SEMA3C: variants seen among roughly 807,000 people sequenced by gnomAD.
SEMA3C encodes the protein semaphorin-3C.
SEMA3C carries 47 observed loss-of-function variants against 89.4 expected under a neutral mutation model. The observed-to-expected ratio is 0.53, with a 90% CI of 0.42 to 0.67. The LOEUF (loss-of-function observed/expected upper bound fraction) is 0.67, where lower values mean the gene tolerates loss of function less well. Among genes scored for constraint, SEMA3C ranks in the 30% least tolerant of loss-of-function variants. The pLI is 0.00. For missense variants in SEMA3C, 839 were observed against 929.1 expected (o/e 0.90, Z 1.26); for synonymous variants, 310 against 320.2 (o/e 0.97, Z 0.34).
At chr7:80,771,935 T>G (rs139241105) in intron 12 of SEMA3C, among the ~76,000 whole-genome samples, 50 of 152,280 alleles carry the variant, frequency 3.3e-4, no homozygotes, top group Admixed American at 9.8e-4. Context: ...TAGGGGTAAA[T>G]TACTGCAAAA....
chr7:80,805,559 T>C (rs1277192902), intron 7 of SEMA3C, 80 bp downstream of exon 7: 1 of 1,249,642 alleles, frequency 8.0e-7, no homozygotes, highest in Non-Finnish European at 1.1e-6. Context: ...TTTTAACCAT[T>C]TTCCCTAGTT....
intron 2 of SEMA3C, among the ~76,000 whole-genome samples, chr7:80,849,727 G>A (rs1202979700): frequency 6.6e-6 from 1 of 152,094 alleles, no homozygotes; most frequent in East Asian, 1.9e-4. Context: ...GACAATCTTT[G>A]TGGTCTTGTG....
At chr7:80,786,254 G>A (rs981038484) in intron 12 of SEMA3C, among the ~76,000 whole-genome samples, 7 of 152,098 alleles carry the variant, frequency 4.6e-5, no homozygotes, top group Admixed American at 4.6e-4. Flanking sequence ...GGTAAGAAAA[G>A]CCAAAGAATT....
At chr7:80,758,256 T>C (rs1788107727) in intron 15 of SEMA3C, 75 bp downstream of exon 15, 1 of 1,476,712 alleles carries the variant, frequency 6.8e-7, no homozygotes, top group East Asian at 2.3e-5. Flanking sequence ...ATAGAACTAA[T>C]TCTAAAGATG....
chr7:80,805,146 A>T (rs1789308198), intron 7 of SEMA3C, among the ~76,000 whole-genome samples: 2 of 152,068 alleles, frequency 1.3e-5, no homozygotes, highest in Admixed American at 1.3e-4. Context: ...TAGTCCATTT[A>T]TGAGAAAATA....
intron 5 of SEMA3C, chr7:80,815,935 T>C (rs549576467): frequency 6.6e-6 from 1 of 152,282 alleles, no homozygotes; most frequent in African/African-American, 2.4e-5. Context: ...TGTTGCAAAA[T>C]TAACCAATCA....
intron 2 of SEMA3C, among the ~76,000 whole-genome samples, chr7:80,875,739 G>C (rs766510977): frequency 1.3e-5 from 2 of 151,578 alleles, no homozygotes. Flanking sequence ...TTGTGATCTA[G>C]TAATCCGTAC....
chr7:80,903,884 T>C (rs561849147), intron 2 of SEMA3C, among the ~76,000 whole-genome samples: 1 of 152,294 alleles, frequency 6.6e-6, no homozygotes, highest in East Asian at 1.9e-4. Flanking sequence ...AAGCCTTCCC[T>C]ATCTTCTACT....
At chr7:80,853,203 C>T (rs1179107905) in intron 2 of SEMA3C, among the ~76,000 whole-genome samples, 2 of 152,068 alleles carry the variant, frequency 1.3e-5, no homozygotes, top group Non-Finnish European at 2.9e-5. Flanking sequence ...TGGAGAACAG[C>T]TTGGAGGCTC....
chr7:80,810,369 A>G (rs1162706182), intron 6 of SEMA3C, among the ~76,000 whole-genome samples: 2 of 152,200 alleles, frequency 1.3e-5, no homozygotes, highest in East Asian at 1.9e-4. Flanking sequence ...ATACACACTT[A>G]TAAAAAATGC....
intron 14 of SEMA3C, among the ~76,000 whole-genome samples, chr7:80,759,613 G>A (rs974048204): frequency 2.0e-5 from 3 of 152,172 alleles, no homozygotes; most frequent in African/African-American, 7.2e-5. Context: ...CTCACAAGTT[G>A]CTCAATGAAT....
At position 80,891,902 on chromosome 7, in the gene SEMA3C, A is replaced by G. The variant is rs568356231; in HGVS notation, c.103+24777T>C. Among the ~76,000 whole-genome samples the G allele has an allele frequency of 2.6e-5, 4 of 152,184 alleles. No homozygotes were observed. The South Asian group carries it at 8.3e-4, about 31-fold the overall frequency. On this transcript the variant is annotated intron_variant, in intron 2 of 17. Coordinates refer to ENST00000265361, the MANE Select transcript of SEMA3C (RefSeq NM_006379.5). ...ACTTTTTAAAGTAAAAAGCATTAGC[A>G]ATAGTTTTATAATTCAAACAAGAAT...
chr7:80,823,953 T>C (rs538827164), intron 4 of SEMA3C, among the ~76,000 whole-genome samples: 1 of 152,272 alleles, frequency 6.6e-6, no homozygotes, highest in African/African-American at 2.4e-5. Flanking sequence ...TTATATTCTT[T>C]TTAGCCAAGG....
chr7:80,830,416 T>A (rs1179887314), intron 2 of SEMA3C, among the ~76,000 whole-genome samples: 4 of 152,194 alleles, frequency 2.6e-5, no homozygotes, highest in African/African-American at 9.6e-5. Context: ...TGGATCATGA[T>A]TTTTAAGAAA....
intron 2 of SEMA3C, among the ~76,000 whole-genome samples, chr7:80,850,647 C>A (rs1790489708): frequency 6.6e-6 from 1 of 152,268 alleles, no homozygotes; most frequent in Admixed American, 6.5e-5. Flanking sequence ...AGGGTCTAGA[C>A]ATATTTTTCA....
At chr7:80,749,404 T>C (rs1787874801) in intron 16 of SEMA3C, among the ~76,000 whole-genome samples, 1 of 152,206 alleles carries the variant, frequency 6.6e-6, no homozygotes, top group South Asian at 2.1e-4. Flanking sequence ...TATGAGGAAA[T>C]ACACTTTAGT....
chr7:80,880,133 G>C (rs1791298813), intron 2 of SEMA3C, among the ~76,000 whole-genome samples: 1 of 152,042 alleles, frequency 6.6e-6, no homozygotes, highest in South Asian at 2.1e-4. Context: ...CCTTGGTTAA[G>C]TCCCTTATTC....
chr7:80,881,998 C>T (rs1205107677), intron 2 of SEMA3C, among the ~76,000 whole-genome samples: 1 of 152,092 alleles, frequency 6.6e-6, no homozygotes, highest in Non-Finnish European at 1.5e-5. Context: ...TTAAATAAAA[C>T]ATAAATATCT....
intron 16 of SEMA3C, among the ~76,000 whole-genome samples, chr7:80,750,171 G>A (rs190763868): frequency 6.1e-4 from 92 of 151,932 alleles, no homozygotes; most frequent in African/African-American, 2.1e-3. Context: ...GCACCTTGAC[G>A]AGCCACAAGG....
Sources: gnomAD v4.1 joint callset for allele counts (sites outside exome capture counted in the v4.1 genomes callset) on GRCh38, gnomAD v4.1.1 for gene constraint, MANE v1.5 for transcripts, NCBI Gene and HGNC (gene_info 2026-07-23, HGNC 2026-07-21) for gene names.